PCSK2: variants seen among roughly 807,000 people sequenced by gnomAD.
PCSK2 encodes the protein proprotein convertase subtilisin/kexin type 2.
Under a neutral mutation model 69.7 loss-of-function variants are expected in PCSK2, and 14 were observed. The ratio of observed to expected loss-of-function variants is 0.20; its 90% CI spans 0.13 to 0.31. PCSK2 has a LOEUF of 0.31. PCSK2 is among the 10% of genes least tolerant of loss of function. The probability of loss-of-function intolerance (pLI) is 1.00; values close to 1 mark genes in which losing one functional copy is unlikely to be tolerated. For missense variants in PCSK2, 544 were observed against 842.5 expected, an observed-to-expected ratio of 0.65 and a Z score of 4.39; for synonymous variants, 307 against 320.7, an observed-to-expected ratio of 0.96 and a Z score of 0.46.
In PCSK2 at chr20:17,347,948, GAAAGAAAGAAAGAGAA is replaced by G. The variant is rs1181302351; in HGVS notation, c.283-10377_283-10362del. Among the ~76,000 whole-genome samples, 102 of 62,090 alleles carry G rather than the reference GAAAGAAAGAAAGAGAA, an allele frequency of 1.6e-3. 13 individuals are homozygous for G. The highest frequency in any genetic ancestry group is 4.6e-3 in the South Asian group (5 of 1,088). 40.7% of individuals were successfully genotyped at this position (62,090 alleles called of 152,430 possible). ...GAGAGAAAAAAGAGAAAGAAAGAAA[GAAAGAAAGAAAGAGAA>G]AGAAAGAAAGAAAGAAAGAGGAGAG... On this transcript the variant is annotated intron_variant, in intron 2 of 11. Coordinates refer to ENST00000262545, the MANE Select transcript of PCSK2 (RefSeq NM_002594.5).
rs1042226405 is a variant in PCSK2, at chr20:17,279,771, G to A, written c.282+19427G>A. On this transcript the variant is annotated intron_variant, in intron 2 of 11. Coordinates refer to ENST00000262545, the MANE Select transcript of PCSK2 (RefSeq NM_002594.5). ...CACTGCACTCCTGCCTGGGCAACAG[G>A]AGCGAAACTCCGTCTCAAAAAAAAA... Among the ~76,000 whole-genome samples the A allele has an allele frequency of 2.8e-5, 4 of 142,938 alleles. No homozygotes were observed. In the East Asian group the frequency reaches 8.2e-4, roughly 29 times the overall value. The allele number at this position is 142,938 out of a possible 152,430, so 93.8% of individuals were successfully genotyped here.
At chr20:17,273,021 G>A (rs1377865165) in intron 2 of PCSK2, among the ~76,000 whole-genome samples, 2 of 152,134 alleles carry the variant, frequency 1.3e-5, no homozygotes, top group Non-Finnish European at 1.5e-5. Context: ...ACCTGCTACT[G>A]ATGGATGTTT....
intron 3 of PCSK2, 23 bp downstream of exon 3, chr20:17,358,463 G>A (rs2030283320): frequency 8.1e-7 from 1 of 1,232,006 alleles, no homozygotes; most frequent in Non-Finnish European, 1.2e-6. Context: ...ATGTCCTTTT[G>A]GACATTTCCC....
intron 1 of PCSK2, among the ~76,000 whole-genome samples, chr20:17,259,995 G>A (rs1478665272): frequency 6.6e-6 from 1 of 152,098 alleles, no homozygotes; most frequent in Non-Finnish European, 1.5e-5. Context: ...AAAAAATGGG[G>A]GAAAGAATAG....
intron 2 of PCSK2, among the ~76,000 whole-genome samples, chr20:17,281,619 A>G (rs1327129382): frequency 1.3e-5 from 2 of 152,174 alleles, no homozygotes; most frequent in African/African-American, 4.8e-5. Flanking sequence ...CTTGGCTGGT[A>G]TGGCTTCTCA....
intron 5 of PCSK2, among the ~76,000 whole-genome samples, chr20:17,375,986 C>T (rs879545819): frequency 3.9e-5 from 6 of 152,204 alleles, no homozygotes; most frequent in Admixed American, 3.9e-4. Flanking sequence ...TAATCTAGAA[C>T]TGACAGTGCC....
intron 2 of PCSK2, among the ~76,000 whole-genome samples, chr20:17,262,550 G>T (rs893813626): frequency 6.6e-6 from 1 of 152,040 alleles, no homozygotes; most frequent in Non-Finnish European, 1.5e-5. Flanking sequence ...TGTTCTCGTG[G>T]TTGTCTAATT....
At chr20:17,302,800 T>C (rs893124543) in intron 2 of PCSK2, among the ~76,000 whole-genome samples, 4 of 152,180 alleles carry the variant, frequency 2.6e-5, no homozygotes, top group Non-Finnish European at 5.9e-5. Flanking sequence ...ACGAATAGCA[T>C]GGAAAGCTTC....
intron 2 of PCSK2, among the ~76,000 whole-genome samples, chr20:17,331,995 A>T (rs1358850218): frequency 6.6e-6 from 1 of 152,234 alleles, no homozygotes; most frequent in African/African-American, 2.4e-5. Flanking sequence ...TAATAATTAT[A>T]GTTCACACTT....
At chr20:17,420,195 G>A (rs1181755270) in intron 6 of PCSK2, among the ~76,000 whole-genome samples, 2 of 152,154 alleles carry the variant, frequency 1.3e-5, no homozygotes, top group Non-Finnish European at 2.9e-5. Flanking sequence ...ACAAAAAAGT[G>A]TGAGAAAAAA....
At chr20:17,294,594 C>T (rs999003709) in intron 2 of PCSK2, among the ~76,000 whole-genome samples, 2 of 152,190 alleles carry the variant, frequency 1.3e-5, no homozygotes, top group Non-Finnish European at 2.9e-5. Context: ...AAATATATCA[C>T]ATGTTCTCTT....
intron 10 of PCSK2, chr20:17,463,757 A>G (rs969756105): frequency 3.4e-5 from 5 of 148,986 alleles, no homozygotes; most frequent in Non-Finnish European, 7.4e-5. Flanking sequence ...GAAGGTCTGC[A>G]TTCAAGAGCA....
chr20:17,477,809 G>T (rs6131959), intron 11 of PCSK2, among the ~76,000 whole-genome samples: 19,182 of 152,146 alleles, frequency 0.13, 1,159 homozygotes, highest in East Asian at 0.15. Context: ...CTGATTTTGT[G>T]TGCAGGGTTA....
At chr20:17,330,023 A>G (rs144021073) in intron 2 of PCSK2, among the ~76,000 whole-genome samples, 10 of 152,366 alleles carry the variant, frequency 6.6e-5, no homozygotes, top group African/African-American at 2.4e-4. Context: ...AGGAAATGAG[A>G]GAAATTAAAT....
chr20:17,479,712 G>C (rs2033358370), intron 11 of PCSK2, among the ~76,000 whole-genome samples: 1 of 149,552 alleles, frequency 6.7e-6, no homozygotes, highest in Non-Finnish European at 1.5e-5. Context: ...GGCAGGAATG[G>C]CGTGAACCCG....
intron 8 of PCSK2, among the ~76,000 whole-genome samples, chr20:17,440,110 A>G (rs1486648370): frequency 6.6e-6 from 1 of 152,242 alleles, no homozygotes; most frequent in Non-Finnish European, 1.5e-5. Context: ...TTTTAACCTC[A>G]GTCCTGCCCC....
intron 8 of PCSK2, among the ~76,000 whole-genome samples, chr20:17,445,163 G>A (rs1184972589): frequency 6.6e-6 from 1 of 152,206 alleles, no homozygotes. Context: ...CCCTTGCAAA[G>A]AGGGAGCTAC....
rs540108016 is a variant in PCSK2 at position 17,266,455 on chromosome 20, A to G, written c.282+6111A>G. On this transcript the variant is annotated intron_variant, in intron 2 of 11. Coordinates refer to ENST00000262545, the MANE Select transcript of PCSK2 (RefSeq NM_002594.5). ...CACCCTTGTGATGTATTGAGACACAATATCAGTTTCTAACCCTTAAGGAGT... is the reference window on the plus strand; with the variant it reads ...CACCCTTGTGATGTATTGAGACACAGTATCAGTTTCTAACCCTTAAGGAGT... Among the ~76,000 whole-genome samples the G allele has an allele frequency of 3.3e-5, 5 of 152,376 alleles. No individual in the cohort carries two copies. In the South Asian group the frequency reaches 1.0e-3, roughly 32 times the overall value.
chr20:17,229,054 A>C lies in PCSK2; in HGVS notation c.177+1572A>C, dbSNP rs1986046701. On this transcript the variant is annotated intron_variant, in intron 1 of 11. Transcript: ENST00000262545. ...TCCCCCCCACCCCAAACTTGGCAAG[A>C]CCCAGGACCCAAACGCCATTATAAA... is the stretch of plus-strand genomic sequence containing the variant. Among the ~76,000 whole-genome samples the C allele has an allele frequency of 2.0e-5, 3 of 152,092 alleles. No individual in the cohort carries two copies. In the South Asian group the frequency reaches 6.3e-4, roughly 32 times the overall value.
Sources: gnomAD v4.1 joint callset for allele counts (sites outside exome capture counted in the v4.1 genomes callset) on GRCh38, gnomAD v4.1.1 for gene constraint, MANE v1.5 for transcripts, NCBI Gene and HGNC (gene_info 2026-07-23, HGNC 2026-07-21) for gene names.